DNM3: variants seen among roughly 807,000 people sequenced by gnomAD.
The protein encoded by DNM3 is dynamin-3.
Under a neutral mutation model 101.6 loss-of-function variants are expected in DNM3, and 47 were observed. That is an observed-to-expected ratio of 0.46 (90% confidence interval 0.37 to 0.59). DNM3 has a LOEUF of 0.59. DNM3 is among the 20% of genes least tolerant of loss of function. The pLI is 0.00. For synonymous variants in DNM3, 385 were observed against 387.9 expected (o/e 0.99, Z 0.09); for missense variants, 849 against 1,085.7 (o/e 0.78, Z 3.06).
At chr1:172,107,555 G>T (rs1165751672) in intron 13 of DNM3, among the ~76,000 whole-genome samples, 1 of 152,158 alleles carries the variant, frequency 6.6e-6, no homozygotes, top group Non-Finnish European at 1.5e-5. Flanking sequence ...TTTAGCAAAA[G>T]ACTAATTATA....
At chr1:171,916,690 T>C (rs1009550449) in intron 1 of DNM3, among the ~76,000 whole-genome samples, 1 of 152,242 alleles carries the variant, frequency 6.6e-6, no homozygotes, top group Non-Finnish European at 1.5e-5. Context: ...CAACGTTTTC[T>C]ATATAATCCC....
intron 12 of DNM3, among the ~76,000 whole-genome samples, chr1:172,086,455 T>C (rs923675787): frequency 1.3e-5 from 2 of 152,214 alleles, no homozygotes; most frequent in African/African-American, 2.4e-5. Context: ...AATAGAACTT[T>C]CTGAGATGAT....
chr1:172,330,245 G>A (rs954666987), intron 17 of DNM3, among the ~76,000 whole-genome samples: 1 of 152,068 alleles, frequency 6.6e-6, no homozygotes, highest in Non-Finnish European at 1.5e-5. Flanking sequence ...ATCCATCATA[G>A]AAAATTGGTT....
At chr1:171,847,894 CTCTGTGTGTGTGTGTG>C (rs1276557007) in intron 1 of DNM3, among the ~76,000 whole-genome samples, 1 of 139,702 alleles carries the variant, frequency 7.2e-6, no homozygotes, top group Non-Finnish European at 1.6e-5. Context: ...CTCTCTCTCT[CTCTGTGTGTGTGTGTG>C]TGTGTGTGTG....
chr1:171,954,283 G>C (rs2042717449), intron 2 of DNM3, among the ~76,000 whole-genome samples: 1 of 152,154 alleles, frequency 6.6e-6, no homozygotes, highest in Non-Finnish European at 1.5e-5. Context: ...GATGATTCCA[G>C]CCTGGTGAGA....
At chr1:172,403,720 T>C (rs1403823380) in intron 20 of DNM3, among the ~76,000 whole-genome samples, 1 of 152,126 alleles carries the variant, frequency 6.6e-6, no homozygotes, top group Non-Finnish European at 1.5e-5. Context: ...TATGTAACCA[T>C]AAACCGCCCA....
chr1:172,337,010 A>G (rs919562432), intron 17 of DNM3, among the ~76,000 whole-genome samples: 9 of 152,228 alleles, frequency 5.9e-5, no homozygotes, highest in Admixed American at 1.3e-4. Flanking sequence ...CTTCCAATGT[A>G]TCGGCTATCA....
At chr1:172,373,356 T>C (rs1238882249) in intron 17 of DNM3, among the ~76,000 whole-genome samples, 1 of 152,104 alleles carries the variant, frequency 6.6e-6, no homozygotes, top group African/African-American at 2.4e-5. Flanking sequence ...TTTCTTCTCC[T>C]AAACTACTTT....
intron 13 of DNM3, among the ~76,000 whole-genome samples, chr1:172,096,988 G>A (rs1181428366): frequency 6.6e-6 from 1 of 152,094 alleles, no homozygotes; most frequent in Non-Finnish European, 1.5e-5. Context: ...AGAATTGGAA[G>A]GGTTATAAAG....
chr1:171,898,761 CTT>C (rs985800718), intron 1 of DNM3, among the ~76,000 whole-genome samples: 1 of 151,748 alleles, frequency 6.6e-6, no homozygotes, highest in African/African-American at 2.4e-5. Flanking sequence ...TTCTTTTTCA[CTT>C]AATAGTAGAG....
At chr1:172,057,329 A>C (rs548201299) in intron 10 of DNM3, among the ~76,000 whole-genome samples, 11 of 152,336 alleles carry the variant, frequency 7.2e-5, no homozygotes, top group Admixed American at 1.3e-4. Context: ...GCTCAGATTC[A>C]GGAAATACAG....
chr1:172,053,707 C>G (rs1213906784), intron 10 of DNM3, among the ~76,000 whole-genome samples: 1 of 152,090 alleles, frequency 6.6e-6, no homozygotes, highest in Non-Finnish European at 1.5e-5. Flanking sequence ...TTTAGCCATT[C>G]CTTTTAAAAT....
intron 14 of DNM3, among the ~76,000 whole-genome samples, chr1:172,189,694 G>C (rs2059637606): frequency 6.6e-6 from 1 of 152,008 alleles, no homozygotes; most frequent in South Asian, 2.1e-4. Context: ...ACTAAGAAAA[G>C]AGATTTAATC....
intron 2 of DNM3, among the ~76,000 whole-genome samples, chr1:171,987,084 A>G (rs2045316310): frequency 6.6e-6 from 1 of 152,108 alleles, no homozygotes; most frequent in Admixed American, 6.6e-5. Context: ...GCTTTGATAT[A>G]ATACTCTATA....
intron 4 of DNM3, among the ~76,000 whole-genome samples, chr1:172,027,259 A>G (rs2048270948): frequency 6.6e-6 from 1 of 152,120 alleles, no homozygotes; most frequent in Admixed American, 6.5e-5. Context: ...TTAACCTTAA[A>G]TGTAATAAAA....
intron 17 of DNM3, among the ~76,000 whole-genome samples, chr1:172,367,034 G>T (rs1196860791): frequency 2.0e-5 from 3 of 151,620 alleles, no homozygotes; most frequent in Non-Finnish European, 4.4e-5. Context: ...GTTCAAAAAG[G>T]TCCTCTCCAA....
chr1:172,341,538 G>A (rs747688997), intron 17 of DNM3, among the ~76,000 whole-genome samples: 13 of 152,138 alleles, frequency 8.5e-5, no homozygotes, highest in Non-Finnish European at 1.3e-4. Flanking sequence ...AAAAACAGAC[G>A]TATAGACTAA....
At chr1:172,036,962 C>G (rs1277685176) in intron 6 of DNM3, among the ~76,000 whole-genome samples, 1 of 143,452 alleles carries the variant, frequency 7.0e-6, no homozygotes, top group Non-Finnish European at 1.6e-5. Flanking sequence ...AAAAACAACT[C>G]CATCAAAAAG....
intron 20 of DNM3, among the ~76,000 whole-genome samples, chr1:172,400,630 A>G (rs147868068): frequency 1.3e-5 from 2 of 152,278 alleles, no homozygotes; most frequent in African/African-American, 2.4e-5. Context: ...TATAATCTCA[A>G]TGATATAGTA....
Sources: allele counts gnomAD v4.1 joint callset (sites outside exome capture counted in the v4.1 genomes callset), GRCh38; gene constraint gnomAD v4.1.1; transcripts MANE v1.5; gene names NCBI Gene and HGNC (gene_info 2026-07-23, HGNC 2026-07-21).